The following KCNMA1 variants were observed in gnomAD, a reference collection of about 807,000 sequenced individuals.
KCNMA1 encodes the protein potassium calcium-activated channel subfamily M alpha 1, also known as Calcium-activated potassium channel subunit alpha-1.
A neutral mutation model predicts 140.0 loss-of-function variants in KCNMA1; 29 were observed. That is an observed-to-expected ratio of 0.21 (90% CI 0.15 to 0.28). The LOEUF is 0.28. KCNMA1 is among the 10% of genes least tolerant of loss of function. The pLI, the probability that KCNMA1 is intolerant of heterozygous loss-of-function variation, is 1.00. For missense variants in KCNMA1, 880 were observed against 1,602.2 expected (o/e 0.55, Z 7.70); for synonymous variants, 612 against 611.9 (o/e 1.00, Z 0.00).
intron 19 of KCNMA1, among the ~76,000 whole-genome samples, chr10:76,982,301 T>G (rs943935648): frequency 6.7e-6 from 1 of 149,276 alleles, no homozygotes; most frequent in Non-Finnish European, 1.5e-5. Context: ...AGACAATAAG[T>G]TAAGTCCTAG....
intron 1 of KCNMA1, chr10:77,636,650 A>G (rs2093772041): frequency 7.8e-6 from 12 of 1,535,824 alleles, no homozygotes; most frequent in African/African-American, 5.5e-5. Flanking sequence ...GCTACCCCCA[A>G]TAGTGGGATG....
rs569018039 is a variant in KCNMA1 at position 77,502,621 on chromosome 10, A to G, written c.379-98598T>C. Among the ~76,000 whole-genome samples, 6 of 152,308 alleles carry G rather than the reference A, an allele frequency of 3.9e-5. No individual in the cohort carries two copies. In the East Asian group the frequency reaches 1.2e-3, roughly 29 times the overall value. On this transcript the variant is annotated intron_variant, in intron 1 of 27. Transcript: ENST00000286628. ...CTCTGGCACCCCCATGGACACCAAG[A>G]GAAGAACTTCAGTCCATCTGACAGC...
chr10:76,999,569 C>T (rs796639935), intron 19 of KCNMA1, among the ~76,000 whole-genome samples: 34 of 152,264 alleles, frequency 2.2e-4, no homozygotes, highest in Admixed American at 5.9e-4. Context: ...TGCTGCACAT[C>T]GTAGACAGAC....
intron 3 of KCNMA1, among the ~76,000 whole-genome samples, chr10:77,236,814 A>T (rs2055648693): frequency 6.6e-6 from 1 of 152,298 alleles, no homozygotes; most frequent in African/African-American, 2.4e-5. Context: ...TTATTTATTT[A>T]TGTATGTACT....
At chr10:77,362,130 G>A (rs1482927556) in intron 2 of KCNMA1, among the ~76,000 whole-genome samples, 2 of 152,080 alleles carry the variant, frequency 1.3e-5, no homozygotes, top group Non-Finnish European at 2.9e-5. Context: ...CTCACGCGAG[G>A]CTCCCAGCAG....
chr10:77,083,501 TAAAAA>T (rs35527205), intron 12 of KCNMA1, among the ~76,000 whole-genome samples: 1 of 91,394 alleles, frequency 1.1e-5, no homozygotes, highest in South Asian at 3.8e-4. Flanking sequence ...AGATGTTCTG[TAAAAA>T]AAAAAAAAAA....
chr10:77,376,354 G>A (rs1006045435), intron 2 of KCNMA1: 2 of 152,136 alleles, frequency 1.3e-5, no homozygotes, highest in Admixed American at 1.3e-4. Context: ...GGGGGAGAGG[G>A]GGAGATAACA....
chr10:77,242,382 T>C (rs899438043), intron 3 of KCNMA1, among the ~76,000 whole-genome samples: 1 of 152,084 alleles, frequency 6.6e-6, no homozygotes, highest in Non-Finnish European at 1.5e-5. Flanking sequence ...AAAGCCCGAG[T>C]ACAGGCCATA....
At chr10:77,540,290 AGG>A in intron 1 of KCNMA1, among the ~76,000 whole-genome samples, 1 of 152,372 alleles carries the variant, frequency 6.6e-6, no homozygotes, top group African/African-American at 2.4e-5. Flanking sequence ...AGGGAAGTCC[AGG>A]TTGGTATCCA....
chr10:77,623,357 C>T (rs530875227), intron 1 of KCNMA1, among the ~76,000 whole-genome samples: 14 of 152,228 alleles, frequency 9.2e-5, no homozygotes, highest in Middle Eastern at 3.4e-3. Flanking sequence ...TTCAGTACTA[C>T]GGTGGCAATC....
chr10:77,453,329 A>G (rs7088034), intron 1 of KCNMA1, among the ~76,000 whole-genome samples: 2,176 of 151,254 alleles, frequency 0.014, 49 homozygotes, highest in African/African-American at 0.05. Context: ...CAAGCACAAG[A>G]AGTTCCAGAA....
chr10:77,063,553 C>T lies in KCNMA1; in HGVS notation c.1749+9544G>A, dbSNP rs78355943. On this transcript the variant is annotated intron_variant, in intron 14 of 27. Transcript: ENST00000286628. The stretch of plus-strand genomic sequence containing the variant: ...TACCCACGGTATCAAATCAATGGTG[C>T]TTCCTTGTTTTGCACCCCTAGATGT... 7.6e-3 allele frequency: 1,263 copies of T among 166,842 alleles called. 19 individuals carry two copies. The highest frequency in any genetic ancestry group is 0.029 in the African/African-American group (1,208 of 41,820). The allele number at this position is 166,842 out of a possible 1,614,324, so 10.3% of individuals were successfully genotyped here.
At chr10:76,934,859 T>C (rs755846642) in intron 23 of KCNMA1, among the ~76,000 whole-genome samples, 9 of 152,210 alleles carry the variant, frequency 5.9e-5, no homozygotes, top group Non-Finnish European at 1.2e-4. Flanking sequence ...GGTCTCTTCA[T>C]TCTCATCTGC....
intron 1 of KCNMA1, among the ~76,000 whole-genome samples, chr10:77,609,732 TTAA>T (rs1336690957): frequency 6.6e-6 from 1 of 150,622 alleles, no homozygotes; most frequent in Non-Finnish European, 1.5e-5. Flanking sequence ...AGAGAAAATT[TTAA>T]TAATAAGTGT....
At chr10:77,462,294 C>T (rs573271058) in intron 1 of KCNMA1, among the ~76,000 whole-genome samples, 2 of 152,238 alleles carry the variant, frequency 1.3e-5, no homozygotes, top group Admixed American at 6.5e-5. Context: ...CACATGAGCA[C>T]ACACACACAT....
intron 2 of KCNMA1, among the ~76,000 whole-genome samples, chr10:77,324,901 C>T (rs2083438323): frequency 6.7e-6 from 1 of 148,320 alleles, no homozygotes; most frequent in Non-Finnish European, 1.5e-5. Flanking sequence ...AAGGAAGGAG[C>T]TGGAGAGAGG....
At chr10:77,079,192 C>A (rs1249978287) in intron 13 of KCNMA1, among the ~76,000 whole-genome samples, 1 of 152,082 alleles carries the variant, frequency 6.6e-6, no homozygotes, top group South Asian at 2.1e-4. Context: ...ATTGCTTGAA[C>A]TTGGGAGGTG....
At chr10:76,911,740 CA>C (rs1182095070) in intron 24 of KCNMA1, 5 of 152,232 alleles carry the variant, frequency 3.3e-5, no homozygotes, top group Admixed American at 2.0e-4. Context: ...AGGTCTTGCT[CA>C]GGGGTCTTTC....
At chr10:77,414,803 G>A (rs1185901796) in intron 1 of KCNMA1, among the ~76,000 whole-genome samples, 2 of 152,160 alleles carry the variant, frequency 1.3e-5, no homozygotes, top group Non-Finnish European at 2.9e-5. Flanking sequence ...AGGTAGGAAT[G>A]TCATGAGGCT....
Sources: gnomAD v4.1 joint callset for allele counts (sites outside exome capture counted in the v4.1 genomes callset) on GRCh38, gnomAD v4.1.1 for gene constraint, MANE v1.5 for transcripts, NCBI Gene and HGNC (gene_info 2026-07-23, HGNC 2026-07-21) for gene names.